Variants in CPLX1 observed in about 807,000 individuals in gnomAD.
The protein encoded by CPLX1 is complexin 1, also known as complexin-1.
In CPLX1, 6 loss-of-function variants were observed where a neutral mutation model predicts 15.6. The observed-to-expected ratio is 0.39, with a 90% confidence interval of 0.21 to 0.76. The LOEUF is 0.76. Among genes scored for constraint, CPLX1 ranks in the 30% least tolerant of loss-of-function variants. The pLI, the probability that CPLX1 is intolerant of heterozygous loss-of-function variation, is 0.43. For missense variants in CPLX1, 242 were observed against 188.6 expected (o/e 1.28, Z -1.66); for synonymous variants, 91 against 75.2 (o/e 1.21, Z -1.08).
At chr4:820,209 C>T (rs1560247445) in intron 2 of CPLX1, among the ~76,000 whole-genome samples, 1 of 151,872 alleles carries the variant, frequency 6.6e-6, no homozygotes, top group South Asian at 2.1e-4. Context: ...CCCAGCTCAG[C>T]CCAGCCTGCA....
At chr4:791,067 C>T (rs747041874) in intron 3 of CPLX1, among the ~76,000 whole-genome samples, 1 of 152,026 alleles carries the variant, frequency 6.6e-6, no homozygotes, top group Non-Finnish European at 1.5e-5. Flanking sequence ...CCCCGTCTCC[C>T]GCTCCTGATA....
At chr4:787,329 C>A in intron 3 of CPLX1, 14 of 985,038 alleles carry the variant, frequency 1.4e-5, no homozygotes, top group Non-Finnish European at 1.7e-5. Context: ...GCCTCACCGA[C>A]CCCCTGCCCA....
At chr4:794,853 C>G (rs2152643763) in intron 2 of CPLX1, among the ~76,000 whole-genome samples, 1 of 152,334 alleles carries the variant, frequency 6.6e-6, no homozygotes, top group Admixed American at 6.5e-5. Context: ...TCCCTCCCCT[C>G]CAGCTGATCC....
At chr4:815,773 AT>A (rs1746741662) in intron 2 of CPLX1, among the ~76,000 whole-genome samples, 2 of 152,346 alleles carry the variant, frequency 1.3e-5, no homozygotes, top group African/African-American at 4.8e-5. Flanking sequence ...GAGGCTGTTG[AT>A]ACAGTGTTTG....
intron 2 of CPLX1, among the ~76,000 whole-genome samples, chr4:800,900 C>T (rs922913924): frequency 2.0e-5 from 3 of 151,030 alleles, no homozygotes; most frequent in South Asian, 2.1e-4. Context: ...ACCCGTAATC[C>T]CAGCTACTTG....
chr4:793,502 T>C (rs1326244631), intron 2 of CPLX1, among the ~76,000 whole-genome samples: 3 of 152,198 alleles, frequency 2.0e-5, no homozygotes, highest in Non-Finnish European at 4.4e-5. Flanking sequence ...GGGCTCTGAA[T>C]ACAGCAGGCA....
chr4:810,837 C>T, intron 2 of CPLX1, among the ~76,000 whole-genome samples: 1 of 151,912 alleles, frequency 6.6e-6, no homozygotes, highest in East Asian at 1.9e-4. Context: ...GCTGGGATTA[C>T]AGGTGCCCGC....
intron 2 of CPLX1, among the ~76,000 whole-genome samples, chr4:808,282 TG>T (rs1746595278): frequency 1.3e-5 from 2 of 152,116 alleles, no homozygotes; most frequent in Admixed American, 1.3e-4. Flanking sequence ...ATCCTCCTCC[TG>T]GGCCCTTGTA....
intron 2 of CPLX1, among the ~76,000 whole-genome samples, chr4:800,781 A>G (rs1451319351): frequency 1.3e-5 from 2 of 148,444 alleles, no homozygotes; most frequent in African/African-American, 2.5e-5. Context: ...ACACAGACAC[A>G]TATATGTGTA....
In CPLX1 at chr4:786,259, G is replaced by A. The variant is rs1745982374; in HGVS notation, c.*242C>T. The A allele has an allele frequency of 2.6e-6, 1 of 381,194 alleles. No individual in the cohort carries two copies. The allele number at this position is 381,194 out of a possible 1,614,324, so 23.6% of individuals were successfully genotyped here. ...GTGGGCGGTAAACAGCAAGAGAAAGGGGCGTCCCAGGCGATGGGGCTCCAG... is the reference window on the plus strand; with the variant it reads ...GTGGGCGGTAAACAGCAAGAGAAAGAGGCGTCCCAGGCGATGGGGCTCCAG... On this transcript the variant is annotated 3_prime_UTR_variant, in exon 4 of 4. Transcript: ENST00000304062.
intron 2 of CPLX1, among the ~76,000 whole-genome samples, chr4:823,963 C>T (rs1746922740): frequency 6.6e-6 from 1 of 152,270 alleles, no homozygotes; most frequent in Non-Finnish European, 1.5e-5. Context: ...CCAGCAAGCC[C>T]TGGTCCCTGA....
At chr4:799,008 T>C (rs541043865) in intron 2 of CPLX1, among the ~76,000 whole-genome samples, 2 of 152,380 alleles carry the variant, frequency 1.3e-5, no homozygotes, top group East Asian at 3.8e-4. Context: ...GATATATATA[T>C]ATGTTTTCAT....
chr4:819,630 T>C (rs1336189708), intron 2 of CPLX1, among the ~76,000 whole-genome samples: 6 of 152,016 alleles, frequency 3.9e-5, no homozygotes, highest in Non-Finnish European at 8.8e-5. Context: ...TCTCCCCAAG[T>C]TGGGTGTGAG....
At chr4:821,231 C>T (rs1370466046) in intron 2 of CPLX1, among the ~76,000 whole-genome samples, 3 of 152,198 alleles carry the variant, frequency 2.0e-5, no homozygotes, top group Non-Finnish European at 2.9e-5. Context: ...ACTGAACCAC[C>T]GGAGTCACTG....
At chr4:791,902 C>G (rs2152642882) in intron 3 of CPLX1, among the ~76,000 whole-genome samples, 1 of 152,342 alleles carries the variant, frequency 6.6e-6, no homozygotes, top group East Asian at 1.9e-4. Flanking sequence ...ACCGAGGAAG[C>G]CGGAGCGGCT....
chr4:812,200 G>T (rs1416222552), intron 2 of CPLX1, among the ~76,000 whole-genome samples: 1 of 151,828 alleles, frequency 6.6e-6, no homozygotes, highest in Non-Finnish European at 1.5e-5. Context: ...TCAGCCTCCC[G>T]AGTAGCTGGG....
At chr4:804,920 C>T (rs1273119691) in intron 2 of CPLX1, 1 of 923,992 alleles carries the variant, frequency 1.1e-6, no homozygotes. Context: ...GAACGCAGTG[C>T]GTCGCCGCGA....
At chr4:809,082 T>A (rs1290833726) in intron 2 of CPLX1, among the ~76,000 whole-genome samples, 1 of 152,258 alleles carries the variant, frequency 6.6e-6, no homozygotes, top group Non-Finnish European at 1.5e-5. Flanking sequence ...GAGGAGAGTC[T>A]GGCGTTCCAT....
At chr4:818,261 C>A (rs1277196525) in intron 2 of CPLX1, among the ~76,000 whole-genome samples, 1 of 152,250 alleles carries the variant, frequency 6.6e-6, no homozygotes, top group African/African-American at 2.4e-5. Flanking sequence ...GCCATGCCCG[C>A]CTGACCTGCT....
Sources: gnomAD v4.1 joint callset for allele counts (sites outside exome capture counted in the v4.1 genomes callset) on GRCh38, gnomAD v4.1.1 for gene constraint, MANE v1.5 for transcripts, NCBI Gene and HGNC (gene_info 2026-07-23, HGNC 2026-07-21) for gene names.